FLII: variants seen among roughly 807,000 people sequenced by gnomAD.
FLII encodes the protein protein flightless-1 homolog.
Under a neutral mutation model 156.2 loss-of-function variants are expected in FLII, and 101 were observed. The ratio of observed to expected loss-of-function variants is 0.65; its 90% CI spans 0.55 to 0.76. The LOEUF (loss-of-function observed/expected upper bound fraction) is 0.76. Among genes scored for constraint, FLII ranks in the 30% least tolerant of loss-of-function variants. The pLI, the probability that FLII is intolerant of heterozygous loss-of-function variation, is 0.00. For missense variants in FLII, 1,675 were observed against 1,682.8 expected (o/e 1.00, Z 0.08); for synonymous variants, 767 against 685.8 (o/e 1.12, Z -1.85).
At chr17:18,256,437 G>C in intron 3 of FLII, 89 bp downstream of exon 3, 1 of 1,053,508 alleles carries the variant, frequency 9.5e-7, no homozygotes, top group South Asian at 1.4e-5. Flanking sequence ...AGAAATGCTG[G>C]CCCAGCTTGG....
At chr17:18,250,514 G>A (rs1035672452) in intron 14 of FLII, among the ~76,000 whole-genome samples, 1 of 152,080 alleles carries the variant, frequency 6.6e-6, no homozygotes, top group Non-Finnish European at 1.5e-5. Flanking sequence ...CACTGCTCTT[G>A]GCAACACCCC....
In FLII at chr17:18,246,682, T is replaced by G; in HGVS notation, c.2963A>C (p.Gln988Pro). 1 of 1,613,826 alleles carries G rather than the reference T, an allele frequency of 6.2e-7. No individual in the cohort carries two copies. ...EDFQCIVYFW[Q>P]GREASNMGWL... is the part of the protein sequence containing the mutation. ...GCCCATATTGGAGGCTTCACGGCCC[T>G]GCCAGAAGTACACGATGCACTGGAA... is the stretch of plus-strand genomic sequence containing the variant. Residue 988 changes from glutamine (Q) to proline (P), a missense_variant, in exon 23 of 30, where the codon CAG (glutamine) becomes CCG (proline). Coordinates refer to ENST00000327031, the MANE Select transcript of FLII (RefSeq NM_002018.4).
chr17:18,256,463 T>A lies in FLII; in HGVS notation c.246+63A>T, dbSNP rs552760441. ...CCCAGCTTGGTGTCTAGCCCAGGCTTCACGTCCCTGACCGGACCTTGGCCC... is the reference window on the plus strand; with the variant it reads ...CCCAGCTTGGTGTCTAGCCCAGGCTACACGTCCCTGACCGGACCTTGGCCC... On this transcript the variant is annotated intron_variant, in intron 3 of 29. Coordinates refer to ENST00000327031, the MANE Select transcript of FLII (RefSeq NM_002018.4). 1.8e-4 allele frequency: 241 copies of A among 1,349,766 alleles called. 2 individuals carry two copies. Among genetic ancestry groups the A allele is most frequent in the South Asian group, 1.6e-3 (132 of 80,018 alleles). The allele number at this position is 1,349,766 out of a possible 1,614,324, so 83.6% of individuals were successfully genotyped here.
Position 18,247,037 on chromosome 17 carries a change from C to G in FLII, c.2692G>C (p.Glu898Gln). Residue 898 changes from glutamate (E) to glutamine (Q), a missense_variant, in exon 22 of 30, where the codon GAG becomes CAG. Physicochemically the swap from Glu to Gln is conservative, Grantham distance 29. This residue lies in a region of FLII where 1,332 missense variants were observed against 1,269.3 expected (regional missense o/e 1.05). Coordinates refer to ENST00000327031, the MANE Select transcript of FLII (RefSeq NM_002018.4). ...CCGTCTAGGTCTTCGTTCCACTCCT[C>G]CATCAGCTGCTCCGCCTGCAGGTGA... is the stretch of plus-strand genomic sequence containing the variant. Reference protein sequence around the residue: ...MSLAEAEQLMEEWNEDLDGME... With the variant: ...MSLAEAEQLMQEWNEDLDGME... 6.2e-7 allele frequency: 1 copy of G among 1,613,522 alleles called. No homozygotes were observed. The highest frequency in any genetic ancestry group is 8.5e-7 in the Non-Finnish European group (1 of 1,180,006).
rs771567553 is a variant in FLII at position 18,250,889 on chromosome 17, C to T, written c.1725G>A (p.Glu575=). Residue 575 remains glutamate (E), a synonymous_variant, in exon 14 of 30, where the codon GAG becomes GAA. Transcript: ENST00000327031. The part of the protein sequence containing the change: ...AVNLRNYLGA[E]CRTVREEMGD... ...CCATCTCCTCCCGGACAGTGCGGCA[C>T]TCAGCACCCAGGTAGTTGCGCAAGT... 3.7e-6 allele frequency: 6 copies of T among 1,613,972 alleles called. No individual in the cohort carries two copies. The African/African-American group carries it at 8.0e-5, about 22-fold the overall frequency.
Position 18,247,011 on chromosome 17 carries a change from G to GCCGT in FLII, c.2714_2717dup (p.Met907ArgfsTer65). ...TGCCCTCCAGCACGAAACCCTCCATGCCGTCTAGGTCTTCGTTCCACTCCT... is the reference window on the plus strand; with the variant it reads ...TGCCCTCCAGCACGAAACCCTCCATGCCGTCCGTCTAGGTCTTCGTTCCACTCCT... On this transcript the variant is annotated frameshift_variant, in exon 22 of 30. Coordinates refer to ENST00000327031, the MANE Select transcript of FLII (RefSeq NM_002018.4). LOFTEE classifies it high-confidence loss of function. 6.2e-7 allele frequency: 1 copy of GCCGT among 1,613,878 alleles called. No individual in the cohort carries two copies. The highest frequency in any genetic ancestry group is 8.5e-7 in the Non-Finnish European group (1 of 1,180,002).
chr17:18,247,275 G>A lies in FLII; in HGVS notation c.2570C>T (p.Pro857Leu). Residue 857 changes from proline (P) to leucine (L), a missense_variant, in exon 21 of 30, where the codon CCG (proline) becomes CTG (leucine). By Grantham distance (98) the Pro-to-Leu change is moderately conservative (BLOSUM62 -3). Coordinates refer to ENST00000327031, the MANE Select transcript of FLII (RefSeq NM_002018.4). Reference sequence around the variant, plus strand: ...GCGTTTCACCTTCCCGGAGAGACCCGGGCTCTGCAGCACGGCCTCCGCATT... The same window carrying A: ...GCGTTTCACCTTCCCGGAGAGACCCAGGCTCTGCAGCACGGCCTCCGCATT... Reference protein sequence around the residue: ...TRNAEAVLQSPGLSGKVKRDA... With the variant: ...TRNAEAVLQSLGLSGKVKRDA... 1.2e-6 allele frequency: 2 copies of A among 1,612,672 alleles called. No individual in the cohort carries two copies. Among genetic ancestry groups the A allele is most frequent in the East Asian group, 2.2e-5 (1 of 44,816 alleles).
chr17:18,247,391 T>C (rs2048111925), intron 20 of FLII, 34 bp from the exon 21 acceptor site: 1 of 1,558,202 alleles, frequency 6.4e-7, no homozygotes. Context: ...CCATGAGGGG[T>C]GCGGCATGAT....
At position 18,248,735 on chromosome 17, in the gene FLII, G is replaced by T. The variant is rs1474427945; in HGVS notation, c.2019-14C>A. 6.2e-7 allele frequency: 1 copy of T among 1,613,860 alleles called. No homozygotes were observed. The highest frequency in any genetic ancestry group is 1.3e-5 in the African/African-American group (1 of 74,928). On this transcript the variant is annotated splice_polypyrimidine_tract_variant and intron_variant, in intron 17 of 29. Coordinates refer to ENST00000327031, the MANE Select transcript of FLII (RefSeq NM_002018.4). ...TCTGCAAAGAGCCTGAGAGCAGGAT[G>T]CAAAGTCATCAGCGAGGCTCACACC...
intron 6 of FLII, 54 bp from the exon 7 acceptor site, chr17:18,254,236 G>T: frequency 7.0e-7 from 1 of 1,423,456 alleles, no homozygotes; most frequent in Non-Finnish European, 9.6e-7. Flanking sequence ...GAGTGTTAAG[G>T]GTGGGGCTTG....
At chr17:18,250,606 T>G (rs1027244559) in intron 14 of FLII, among the ~76,000 whole-genome samples, 1 of 152,226 alleles carries the variant, frequency 6.6e-6, no homozygotes, top group African/African-American at 2.4e-5. Flanking sequence ...CTTGCCCGGC[T>G]GAATTCTGCC....
chr17:18,246,580 G>A lies in FLII; in HGVS notation c.3051+14C>T, dbSNP rs751576700. On this transcript the variant is annotated intron_variant, in intron 23 of 29. Coordinates refer to ENST00000327031, the MANE Select transcript of FLII (RefSeq NM_002018.4). ...CTCCGCCTGGCCTCGGGCTCGCGGGGCTGCCAGGCACACCTCCAGCTTCCC... is the reference window on the plus strand; with the variant it reads ...CTCCGCCTGGCCTCGGGCTCGCGGGACTGCCAGGCACACCTCCAGCTTCCC... 1.2e-6 allele frequency: 2 copies of A among 1,613,208 alleles called. No individual in the cohort carries two copies. Among genetic ancestry groups the A allele is most frequent in the East Asian group, 2.2e-5 (1 of 44,888 alleles).
chr17:18,250,849 C>A lies in FLII; in HGVS notation c.1765G>T (p.Glu589Ter), dbSNP rs2048240514. Reference sequence around the variant, plus strand: ...TAACGGGCTGGCACCTGCAGGAACTCCTCGCTCTCATCGCCCATCTCCTCC... The same window carrying A: ...TAACGGGCTGGCACCTGCAGGAACTACTCGCTCTCATCGCCCATCTCCTCC... ...VREEMGDESEEFLQVFDNDIS... is the reference protein window; with the variant it reads ...VREEMGDESE The change falls in exon 14 of 30, where the codon GAG (glutamate) becomes TAG (stop). Residue 589 changes from glutamate (E) to a stop codon, truncating the protein, a stop_gained. Coordinates refer to ENST00000327031, the MANE Select transcript of FLII (RefSeq NM_002018.4). LOFTEE classifies it high-confidence loss of function. 1.2e-6 allele frequency: 2 copies of A among 1,612,908 alleles called. No individual in the cohort carries two copies. The highest frequency in any genetic ancestry group is 1.7e-6 in the Non-Finnish European group (2 of 1,179,284).
Position 18,247,853 on chromosome 17 carries a change from G to T in FLII, c.2296-5C>A. ...CGTGTCCAGCAGACTCTGCAGCTGC[G>T]GACCGGGAGTCTGGAGGTCAAAGCC... On this transcript the variant is annotated splice_region_variant and splice_polypyrimidine_tract_variant and intron_variant, in intron 19 of 29. Coordinates refer to ENST00000327031, the MANE Select transcript of FLII (RefSeq NM_002018.4). The T allele has an allele frequency of 6.2e-7, 1 of 1,613,968 alleles. No individual in the cohort carries two copies. Among genetic ancestry groups the T allele is most frequent in the Non-Finnish European group, 8.5e-7 (1 of 1,179,988 alleles).
Position 18,247,908 on chromosome 17 carries a change from CCCT to C in FLII, c.2295+18_2295+20del. ...CAACGGGGAGGGATCTGGCCCCACG[CCCT>C]CCTCCTGCATCTCTTACCAGCCGCA... On this transcript the variant is annotated intron_variant, in intron 19 of 29. Coordinates refer to ENST00000327031, the MANE Select transcript of FLII (RefSeq NM_002018.4). 6.2e-7 allele frequency: 1 copy of C among 1,613,340 alleles called. No individual in the cohort carries two copies. The highest frequency in any genetic ancestry group is 8.5e-7 in the Non-Finnish European group (1 of 1,179,304).
chr17:18,248,760 C>A (rs2048167458), intron 17 of FLII, 39 bp from the exon 18 acceptor site: 1 of 1,613,820 alleles, frequency 6.2e-7, no homozygotes, highest in African/African-American at 1.3e-5. Context: ...AGGCTCACAC[C>A]CCTTTCCTTC....
rs965243241 is a variant in FLII, at chr17:18,246,051, C to G, written c.3279G>C (p.Glu1093Asp). The G allele has an allele frequency of 2.5e-6, 4 of 1,614,024 alleles. No homozygotes were observed. In the African/African-American group the frequency reaches 4.0e-5, roughly 16 times the overall value. ...EFCFILKVPF[E>D]SEDNQGIVYA... ...ACACGATGCCCTGGTTGTCCTCACT[C>G]TCAAAGGGAACCTGGGGAGTGTGCA... The change falls in exon 26 of 30, where the codon GAG (glutamate) becomes GAC (aspartate). Residue 1093 changes from glutamate (E) to aspartate (D), a missense_variant. This residue lies in a region of FLII where 1,332 missense variants were observed against 1,269.3 expected (regional missense o/e 1.05). Transcript: ENST00000327031.
rs756571414 is a variant in FLII, at chr17:18,254,691, G to A, written c.414-9C>T. 1.6e-5 allele frequency: 26 copies of A among 1,613,760 alleles called. No homozygotes were observed. In the South Asian group the frequency reaches 2.7e-4, roughly 17 times the overall value. ...TGGGGATGGTGTCGATGCTACGGGT[G>A]GGGAGCAGGAGCCACCTGAGTCAGC... On this transcript the variant is annotated splice_polypyrimidine_tract_variant and intron_variant, in intron 5 of 29. Coordinates refer to ENST00000327031, the MANE Select transcript of FLII (RefSeq NM_002018.4).
At chr17:18,253,157 AAAAAG>A (rs550976109) in intron 9 of FLII, 139 bp downstream of exon 9, 285 of 901,252 alleles carry the variant, frequency 3.2e-4, no homozygotes, top group South Asian at 1.1e-3. Flanking sequence ...CTCAAAAACA[AAAAAG>A]AAAAGAAAAG....
Sources: gnomAD v4.1 joint callset for allele counts (sites outside exome capture counted in the v4.1 genomes callset) on GRCh38, gnomAD v4.1.1 for gene constraint, gnomAD v4.1.1 regional missense constraint, MANE v1.5 for transcripts, NCBI Gene and HGNC (gene_info 2026-07-23, HGNC 2026-07-21) for gene names.